EXOC4: variants seen among roughly 807,000 people sequenced by gnomAD.
The protein encoded by EXOC4 is exocyst complex component 4, also known as SEC8-like 1.
In EXOC4, 71 loss-of-function variants were observed where a neutral mutation model predicts 107.2. The ratio of observed to expected loss-of-function variants is 0.66; its 90% CI spans 0.55 to 0.81. The LOEUF is 0.81. EXOC4 is among the 30% of genes least tolerant of loss of function. EXOC4 has a pLI of 0.00. For synonymous variants in EXOC4, 456 were observed against 441.2 expected, an observed-to-expected ratio of 1.03 and a Z score of -0.42; for missense variants, 1,108 against 1,189.6, an observed-to-expected ratio of 0.93 and a Z score of 1.01.
At chr7:133,254,801 T>G (rs1794977849) in intron 1 of EXOC4, among the ~76,000 whole-genome samples, 1 of 152,160 alleles carries the variant, frequency 6.6e-6, no homozygotes, top group Admixed American at 6.6e-5. Flanking sequence ...GAGTGGCTGT[T>G]TCTAATGAAA....
chr7:133,991,430 C>T (rs1794258478), intron 14 of EXOC4, among the ~76,000 whole-genome samples: 1 of 151,926 alleles, frequency 6.6e-6, no homozygotes, highest in Admixed American at 6.6e-5. Context: ...GTTTCCTTTG[C>T]TTTGTAGAAG....
At chr7:134,065,934 G>A (rs1257436367), downstream of EXOC4, 1 of 152,228 alleles carries the variant, frequency 6.6e-6, no homozygotes, top group Non-Finnish European at 1.5e-5. Context: ...TCAAACTCAG[G>A]GCTGGGTCAG....
intron 17 of EXOC4, among the ~76,000 whole-genome samples, chr7:134,011,588 G>T (rs776315045): frequency 1.3e-5 from 2 of 151,714 alleles, no homozygotes; most frequent in African/African-American, 4.8e-5. Flanking sequence ...GCGGTAGGGC[G>T]AAAAATTGTA....
intron 6 of EXOC4, among the ~76,000 whole-genome samples, chr7:133,363,565 T>C (rs1584853793): frequency 6.7e-6 from 1 of 149,460 alleles, no homozygotes; most frequent in East Asian, 2.0e-4. Flanking sequence ...GAGATGTTAC[T>C]CAATATTACA....
chr7:133,671,817 A>G (rs1055461919), intron 10 of EXOC4, among the ~76,000 whole-genome samples: 1 of 152,218 alleles, frequency 6.6e-6, no homozygotes, highest in African/African-American at 2.4e-5. Context: ...TAACAGCACA[A>G]TGGAAATGTA....
intron 7 of EXOC4, among the ~76,000 whole-genome samples, chr7:133,446,740 A>G (rs1485718013): frequency 6.6e-6 from 1 of 152,222 alleles, no homozygotes; most frequent in Non-Finnish European, 1.5e-5. Context: ...TTCAGAAGCC[A>G]TGGACTGGAT....
intron 13 of EXOC4, among the ~76,000 whole-genome samples, chr7:133,936,564 C>G (rs1800305333): frequency 6.6e-6 from 1 of 152,190 alleles, no homozygotes. Flanking sequence ...CTATTTCAAC[C>G]TCCTCCAGCA....
chr7:133,992,738 C>A (rs1352323298), intron 14 of EXOC4, among the ~76,000 whole-genome samples: 1 of 147,850 alleles, frequency 6.8e-6, no homozygotes, highest in South Asian at 2.2e-4. Context: ...TCTTGGATGC[C>A]GTTTCTTTCT....
intron 5 of EXOC4, among the ~76,000 whole-genome samples, chr7:133,352,232 G>C (rs1247890067): frequency 6.6e-6 from 1 of 151,792 alleles, no homozygotes; most frequent in Non-Finnish European, 1.5e-5. Flanking sequence ...CCTTATTTCT[G>C]TCTGGTTGTT....
chr7:133,533,600 G>A (rs1310432734), intron 9 of EXOC4, among the ~76,000 whole-genome samples: 3 of 152,054 alleles, frequency 2.0e-5, no homozygotes, highest in Non-Finnish European at 4.4e-5. Context: ...TAGCTCTAGG[G>A]GTAGCATGTG....
At chr7:133,416,681 C>T (rs1797481988) in intron 7 of EXOC4, among the ~76,000 whole-genome samples, 1 of 152,108 alleles carries the variant, frequency 6.6e-6, no homozygotes, top group Admixed American at 6.5e-5. Flanking sequence ...CATGTCTCCT[C>T]CACTATCAGA....
intron 7 of EXOC4, among the ~76,000 whole-genome samples, chr7:133,440,865 A>G (rs1447654623): frequency 1.3e-5 from 2 of 152,206 alleles, no homozygotes; most frequent in East Asian, 1.9e-4. Context: ...GTGGGTAGCT[A>G]TCAGCCCTTG....
chr7:133,743,652 A>AG lies in EXOC4; in HGVS notation c.1515-73673_1515-73672insG, dbSNP rs976800261. Among the ~76,000 whole-genome samples, 12 of 101,484 alleles carry AG rather than the reference A, an allele frequency of 1.2e-4. No individual in the cohort carries two copies. In the East Asian group the frequency reaches 2.7e-3, roughly 23 times the overall value. The allele number at this position is 101,484 out of a possible 152,430, so 66.6% of individuals were successfully genotyped here. ...CCTTTATGAAACCATGAAATTAGTC[A>AG]AAACCCCCCCATGGTTGCCATTGTG... is the stretch of plus-strand genomic sequence containing the variant. On this transcript the variant is annotated intron_variant, in intron 10 of 17. Coordinates refer to ENST00000253861, the MANE Select transcript of EXOC4 (RefSeq NM_021807.4).
intron 1 of EXOC4, among the ~76,000 whole-genome samples, chr7:133,256,719 AAT>A (rs1307255085): frequency 6.6e-6 from 1 of 152,134 alleles, no homozygotes; most frequent in Non-Finnish European, 1.5e-5. Flanking sequence ...GTATTTTTTC[AAT>A]GCTTTTCCTA....
At position 133,418,326 on chromosome 7, in the gene EXOC4, C is replaced by T. The variant is rs372559145; in HGVS notation, c.1182+43324C>T. 1.2e-4 allele frequency among the ~76,000 whole-genome samples: 19 copies of T among 152,302 alleles called. No individual in the cohort carries two copies. The East Asian group carries it at 1.5e-3, about 12-fold the overall frequency. ...AAAGGAATGGCAAAGTGGCTTCATT[C>T]ATAATGTTGGCCAGTTAGCTCTTTT... On this transcript the variant is annotated intron_variant, in intron 7 of 17. Coordinates refer to ENST00000253861, the MANE Select transcript of EXOC4 (RefSeq NM_021807.4).
At chr7:133,776,270 C>A (rs1162264297) in intron 10 of EXOC4, among the ~76,000 whole-genome samples, 2 of 152,044 alleles carry the variant, frequency 1.3e-5, no homozygotes, top group Non-Finnish European at 2.9e-5. Flanking sequence ...TATGTTGTTG[C>A]AAAATAAAGC....
chr7:133,772,355 A>G (rs1231177995), intron 10 of EXOC4, among the ~76,000 whole-genome samples: 2 of 152,050 alleles, frequency 1.3e-5, no homozygotes, highest in Non-Finnish European at 2.9e-5. Context: ...TTAGAACACA[A>G]AGAATCTTTC....
At chr7:133,352,419 C>T (rs1020708766) in intron 5 of EXOC4, among the ~76,000 whole-genome samples, 3 of 151,896 alleles carry the variant, frequency 2.0e-5, no homozygotes, top group African/African-American at 4.8e-5. Flanking sequence ...TAATGTCCTT[C>T]TTTGTCTCTT....
chr7:133,610,125 T>C (rs1585030658), intron 9 of EXOC4, among the ~76,000 whole-genome samples: 4 of 152,352 alleles, frequency 2.6e-5, no homozygotes, highest in Admixed American at 2.6e-4. Context: ...TAATTTCCTT[T>C]CCATGATCCT....
Sources: allele counts gnomAD v4.1 joint callset (sites outside exome capture counted in the v4.1 genomes callset), GRCh38; gene constraint gnomAD v4.1.1; transcripts MANE v1.5; gene names NCBI Gene and HGNC (gene_info 2026-07-23, HGNC 2026-07-21).